CALN1: variants seen among roughly 807,000 people sequenced by gnomAD.
CALN1 encodes calcium-binding protein 8.
CALN1 carries 17 observed loss-of-function variants against 30.6 expected under a neutral mutation model. That is an observed-to-expected ratio of 0.56 (90% CI 0.38 to 0.83). The LOEUF is 0.83. CALN1 is among the 40% of genes least tolerant of loss of function. The pLI is 0.00. For missense variants in CALN1, 291 were observed against 354.9 expected, an observed-to-expected ratio of 0.82 and a Z score of 1.45; for synonymous variants, 156 against 131.4, an observed-to-expected ratio of 1.19 and a Z score of -1.28.
chr7:72,287,097 C>T (rs1255365205), intron 2 of CALN1, among the ~76,000 whole-genome samples: 1 of 152,170 alleles, frequency 6.6e-6, no homozygotes, highest in Admixed American at 6.5e-5. Flanking sequence ...AATTTTACCA[C>T]ATAATGCACC....
intron 3 of CALN1, among the ~76,000 whole-genome samples, chr7:72,137,052 T>G (rs1049048782): frequency 6.6e-6 from 1 of 152,180 alleles, no homozygotes; most frequent in African/African-American, 2.4e-5. Context: ...TCTGGCCAAG[T>G]TAGGTCAGAG....
chr7:72,061,455 G>A (rs995410502), intron 4 of CALN1, among the ~76,000 whole-genome samples: 6 of 151,354 alleles, frequency 4.0e-5, no homozygotes, highest in Non-Finnish European at 8.8e-5. Context: ...AGAGGAATGG[G>A]AAAATAGAAA....
At chr7:71,813,494 T>TA (rs1788082281) in intron 5 of CALN1, among the ~76,000 whole-genome samples, 2 of 152,124 alleles carry the variant, frequency 1.3e-5, no homozygotes, top group East Asian at 3.9e-4. Flanking sequence ...TAGAGAGAGG[T>TA]ATGTCTCAAA....
At chr7:72,147,484 T>C (rs1387285497) in intron 3 of CALN1, among the ~76,000 whole-genome samples, 1 of 99,300 alleles carries the variant, frequency 1.0e-5, no homozygotes, top group African/African-American at 3.7e-5. Flanking sequence ...TGGAGAGGAC[T>C]GTTACACTGT....
intron 3 of CALN1, among the ~76,000 whole-genome samples, chr7:72,201,578 T>A (rs1251923689): frequency 1.3e-5 from 2 of 150,240 alleles, no homozygotes; most frequent in African/African-American, 4.9e-5. Flanking sequence ...AGAGTGAGAC[T>A]CCATTTCGGA....
chr7:72,267,434 A>C (rs975972989), intron 3 of CALN1, among the ~76,000 whole-genome samples: 12 of 152,216 alleles, frequency 7.9e-5, no homozygotes, highest in African/African-American at 2.9e-4. Context: ...CAGAGCTTTA[A>C]AAATATCTCT....
intron 3 of CALN1, among the ~76,000 whole-genome samples, chr7:72,255,967 A>T (rs1319156204): frequency 6.6e-6 from 1 of 152,120 alleles, no homozygotes; most frequent in Non-Finnish European, 1.5e-5. Flanking sequence ...TGACCTCGTG[A>T]TCCACCCGCC....
At chr7:72,451,209 A>AAGAAGGAGAAGGAGG (rs747175718), upstream of CALN1, among the ~76,000 whole-genome samples, 1 of 126,054 alleles carries the variant, frequency 7.9e-6, no homozygotes, top group African/African-American at 3.7e-5. Flanking sequence ...GAAGAAGAAG[A>AAGAAGGAGAAGGAGG]AGGAGGAGGA....
intron 1 of CALN1, among the ~76,000 whole-genome samples, chr7:72,420,759 A>G (rs927767756): frequency 5.3e-5 from 8 of 151,164 alleles, no homozygotes. Context: ...AGCTGGGACT[A>G]CAGGAGCCCG....
chr7:72,408,361 C>T (rs1008456357), intron 1 of CALN1, among the ~76,000 whole-genome samples: 7 of 151,774 alleles, frequency 4.6e-5, no homozygotes, highest in African/African-American at 1.7e-4. Context: ...AAGAGAATCA[C>T]TTGAACCCGG....
intron 5 of CALN1, among the ~76,000 whole-genome samples, chr7:71,962,963 C>T (rs1797323528): frequency 6.6e-6 from 1 of 152,084 alleles, no homozygotes; most frequent in African/African-American, 2.4e-5. Flanking sequence ...ATAATAAATT[C>T]TCATATATAA....
intron 3 of CALN1, among the ~76,000 whole-genome samples, chr7:72,203,184 C>T (rs112618425): frequency 1.4e-4 from 22 of 151,896 alleles, no homozygotes; most frequent in African/African-American, 5.1e-4. Flanking sequence ...CAGGGCCTGT[C>T]GGGGGGTGAG....
rs112751868 is a variant in CALN1 at position 71,810,138 on chromosome 7, A to C, written c.658+198T>G. Reference sequence around the variant, plus strand: ...GTGGAGATTCTGCAAAAAATGCAGAATTTGGAGGAGAAAGATGGAGAAAAT... The same window carrying C: ...GTGGAGATTCTGCAAAAAATGCAGACTTTGGAGGAGAAAGATGGAGAAAAT... On this transcript the variant is annotated intron_variant, in intron 6 of 6. Coordinates refer to ENST00000395275, the MANE Select transcript of CALN1 (RefSeq NM_031468.4). Among the ~76,000 whole-genome samples, 920 of 152,282 alleles carry C rather than the reference A, an allele frequency of 6.0e-3. 4 individuals carry two copies. The highest frequency in any genetic ancestry group is 0.021 in the African/African-American group (868 of 41,554).
chr7:72,005,398 G>A (rs2867565), intron 5 of CALN1, among the ~76,000 whole-genome samples: 2 of 151,972 alleles, frequency 1.3e-5, no homozygotes, highest in Admixed American at 6.6e-5. Context: ...GCGTGATCAC[G>A]GCTCACTACA....
At chr7:72,032,424 CAT>C (rs1314306940) in intron 4 of CALN1, among the ~76,000 whole-genome samples, 1 of 152,118 alleles carries the variant, frequency 6.6e-6, no homozygotes, top group Non-Finnish European at 1.5e-5. Context: ...CTCCTGGCCT[CAT>C]GTGATCCTCC....
At chr7:71,990,308 G>A (rs915922913) in intron 5 of CALN1, among the ~76,000 whole-genome samples, 9 of 152,068 alleles carry the variant, frequency 5.9e-5, no homozygotes, top group African/African-American at 2.2e-4. Flanking sequence ...AAAAGGGGAG[G>A]AACCCTCAGT....
intron 6 of CALN1, 95 bp from the exon 7 acceptor site, chr7:71,787,997 C>T: frequency 6.5e-7 from 1 of 1,533,852 alleles, no homozygotes; most frequent in African/African-American, 1.4e-5. Context: ...GCAACTCTTC[C>T]TCAACAGGCC....
intron 2 of CALN1, among the ~76,000 whole-genome samples, chr7:72,331,601 G>C (rs1316275373): frequency 6.6e-6 from 1 of 152,226 alleles, no homozygotes; most frequent in Non-Finnish European, 1.5e-5. Context: ...CAAGCCAGGG[G>C]TGTGAGACAG....
intron 6 of CALN1, among the ~76,000 whole-genome samples, chr7:71,793,506 C>T (rs1403271101): frequency 6.6e-6 from 1 of 152,148 alleles, no homozygotes; most frequent in African/African-American, 2.4e-5. Flanking sequence ...GATCATGATT[C>T]TCTGTGTGAC....
Sources: gnomAD v4.1 joint callset for allele counts (sites outside exome capture counted in the v4.1 genomes callset) on GRCh38, gnomAD v4.1.1 for gene constraint, MANE v1.5 for transcripts, NCBI Gene and HGNC (gene_info 2026-07-23, HGNC 2026-07-21) for gene names.